The following PRKAR1B variants were observed in gnomAD, a reference collection of about 807,000 sequenced individuals.
The protein encoded by PRKAR1B is cAMP-dependent protein kinase type I-beta regulatory subunit.
PRKAR1B carries 22 observed loss-of-function variants against 46.5 expected under a neutral mutation model. The observed-to-expected ratio is 0.47, with a 90% confidence interval of 0.34 to 0.68. The LOEUF (loss-of-function observed/expected upper bound fraction) is 0.68. Ranked by LOEUF, PRKAR1B falls within the 30% of genes least tolerant of loss-of-function variation. The pLI, the probability that PRKAR1B is intolerant of heterozygous loss-of-function variation, is 0.01. For missense variants in PRKAR1B, 445 were observed against 535.6 expected (o/e 0.83, Z 1.67); for synonymous variants, 259 against 217.7 (o/e 1.19, Z -1.67).
Position 607,315 on chromosome 7 carries a change from T to TA in PRKAR1B, c.502+75dup. 3 of 1,435,362 alleles carry TA rather than the reference T, an allele frequency of 2.1e-6. No individual in the cohort carries two copies. In the Admixed American group the frequency reaches 5.2e-5, roughly 25 times the overall value. The allele number at this position is 1,435,362 out of a possible 1,614,324, so 88.9% of individuals were successfully genotyped here. A position where few individuals can be genotyped will look rare whatever the true frequency, so the allele number is the denominator to read the frequency against. ...AGGCGTGGGCCATCGTGCCTGCCCTTATGCTATTTTTTTTTTAAGTGCATA... is the reference window on the plus strand; with the variant it reads ...AGGCGTGGGCCATCGTGCCTGCCCTTAATGCTATTTTTTTTTTAAGTGCATA... On this transcript the variant is annotated intron_variant, in intron 5 of 10. Transcript: ENST00000537384.
chr7:604,421 G>T (rs1466781688), intron 6 of PRKAR1B, among the ~76,000 whole-genome samples: 1 of 152,206 alleles, frequency 6.6e-6, no homozygotes, highest in Non-Finnish European at 1.5e-5. Flanking sequence ...ATCTCTAGGG[G>T]AGACAGGAGC....
chr7:597,703 G>A (rs1300922071), intron 6 of PRKAR1B, among the ~76,000 whole-genome samples: 1 of 152,244 alleles, frequency 6.6e-6, no homozygotes, highest in African/African-American at 2.4e-5. Context: ...CCAGAGCTAG[G>A]GGAGGACTGG....
At chr7:720,972 G>A (rs541877955) in intron 1 of PRKAR1B, among the ~76,000 whole-genome samples, 42 of 152,280 alleles carry the variant, frequency 2.8e-4, no homozygotes, top group Middle Eastern at 3.4e-3. Flanking sequence ...TAGGGCTTAC[G>A]CTTGCCATTT....
intron 1 of PRKAR1B, among the ~76,000 whole-genome samples, chr7:721,040 C>T (rs967232482): frequency 9.9e-5 from 15 of 152,160 alleles, no homozygotes; most frequent in East Asian, 1.9e-4. Context: ...TAGAATTCCA[C>T]GTTATGTTTT....
intron 7 of PRKAR1B, among the ~76,000 whole-genome samples, chr7:590,993 G>A (rs913372141): frequency 7.9e-5 from 12 of 152,092 alleles, no homozygotes; most frequent in Non-Finnish European, 5.9e-5. Context: ...TTAGATTTCT[G>A]CCAGCCATAA....
intron 7 of PRKAR1B, among the ~76,000 whole-genome samples, chr7:592,497 C>T (rs553615463): frequency 3.9e-5 from 6 of 152,242 alleles, no homozygotes; most frequent in South Asian, 2.1e-4. Flanking sequence ...CGAGTCACTC[C>T]GGACACTGGT....
intron 9 of PRKAR1B, among the ~76,000 whole-genome samples, chr7:567,643 G>A (rs1237888002): frequency 6.6e-6 from 1 of 152,180 alleles, no homozygotes; most frequent in Non-Finnish European, 1.5e-5. Flanking sequence ...AGGCTTGGCT[G>A]GATAAACACA....
At chr7:649,250 G>C (rs117532836) in intron 4 of PRKAR1B, among the ~76,000 whole-genome samples, 1,820 of 152,264 alleles carry the variant, frequency 0.012, 18 homozygotes, top group South Asian at 0.02. Flanking sequence ...AGTATTTCTA[G>C]CCCATTTCCC....
At chr7:622,250 C>T (rs139067696) in intron 4 of PRKAR1B, among the ~76,000 whole-genome samples, 55 of 152,322 alleles carry the variant, frequency 3.6e-4, no homozygotes, top group East Asian at 1.7e-3. Context: ...ACCTCAGACC[C>T]GAGCACCAGG....
chr7:649,678 C>T lies in PRKAR1B; in HGVS notation c.440+27551G>A, dbSNP rs373572100. 4.6e-5 allele frequency among the ~76,000 whole-genome samples: 7 copies of T among 152,212 alleles called. No individual in the cohort carries two copies. In the South Asian group the frequency reaches 6.2e-4, roughly 14 times the overall value. On this transcript the variant is annotated intron_variant, in intron 4 of 10. Coordinates refer to ENST00000537384, the MANE Select transcript of PRKAR1B (RefSeq NM_001164760.2). Reference sequence around the variant, plus strand: ...GCAGCCTCCAACTCCCAGACCCAAGCGATCCTCCCATCTCAGCCTCCTGAA... The same window carrying T: ...GCAGCCTCCAACTCCCAGACCCAAGTGATCCTCCCATCTCAGCCTCCTGAA...
intron 1 of PRKAR1B, among the ~76,000 whole-genome samples, chr7:715,372 G>A (rs1044690972): frequency 6.6e-6 from 1 of 152,102 alleles, no homozygotes. Context: ...GAGCTCAGAG[G>A]AGCTGCGCTT....
intron 4 of PRKAR1B, among the ~76,000 whole-genome samples, chr7:632,262 CG>C (rs1354262358): frequency 6.6e-6 from 1 of 152,162 alleles, no homozygotes; most frequent in Non-Finnish European, 1.5e-5. Context: ...CCCAGCAGCT[CG>C]GCCCCTGCAG....
intron 9 of PRKAR1B, among the ~76,000 whole-genome samples, chr7:569,589 G>A (rs113852336): frequency 5.3e-5 from 8 of 152,328 alleles, no homozygotes; most frequent in East Asian, 1.9e-4. Flanking sequence ...CTGGGATGAC[G>A]AGGCTGCCCT....
intron 4 of PRKAR1B, among the ~76,000 whole-genome samples, chr7:633,654 T>A (rs903774885): frequency 6.6e-6 from 1 of 152,130 alleles, no homozygotes; most frequent in Non-Finnish European, 1.5e-5. Context: ...GTCCTGATTT[T>A]ATTGAGCTCA....
In PRKAR1B at chr7:602,044, G is replaced by A. The variant is rs553524457; in HGVS notation, c.549+4149C>T. 1.8e-3 allele frequency among the ~76,000 whole-genome samples: 269 copies of A among 152,284 alleles called. 1 individual carries two copies. Among genetic ancestry groups the A allele is most frequent in the Middle Eastern group, 3.4e-3 (1 of 294 alleles). Reference sequence around the variant, plus strand: ...TCCTTTCTCAAAATTGCCTCCCAACGTCCCCGGGCCTGGCGAGAAGCCAGG... The same window carrying A: ...TCCTTTCTCAAAATTGCCTCCCAACATCCCCGGGCCTGGCGAGAAGCCAGG... On this transcript the variant is annotated intron_variant, in intron 6 of 10. Transcript: ENST00000537384. This position sits in a 1 kb window ranked among gnomAD's most constrained non-coding sequence, Gnocchi z 6.4.
intron 2 of PRKAR1B, among the ~76,000 whole-genome samples, chr7:698,502 G>A (rs948715176): frequency 6.6e-6 from 1 of 152,026 alleles, no homozygotes; most frequent in Admixed American, 6.5e-5. Flanking sequence ...GTCTAGGTAA[G>A]TACGTGCGTG....
At chr7:623,580 C>T (rs1783224528) in intron 4 of PRKAR1B, among the ~76,000 whole-genome samples, 1 of 152,234 alleles carries the variant, frequency 6.6e-6, no homozygotes, top group Non-Finnish European at 1.5e-5. Context: ...AGCAACAATC[C>T]TGTTAGGTCA....
rs1429523925 is a variant in PRKAR1B, at chr7:549,251, G to C, written c.*1179C>G. 1.3e-5 allele frequency: 2 copies of C among 152,308 alleles called. No individual in the cohort carries two copies. Among genetic ancestry groups the C allele is most frequent in the African/African-American group, 4.8e-5 (2 of 41,464 alleles). The allele number at this position is 152,308 out of a possible 1,614,324, so 9.4% of individuals were successfully genotyped here. A position where few individuals can be genotyped will look rare whatever the true frequency, so the allele number is the denominator to read the frequency against. On this transcript the variant is annotated 3_prime_UTR_variant, in exon 11 of 11. Transcript: ENST00000537384. ...CAGTATTCAGAGCAGAGATAAGGGG[G>C]GGGATGGCTCACAGGTCCACAGGGA...
At chr7:622,397 C>T (rs1174364326) in intron 4 of PRKAR1B, among the ~76,000 whole-genome samples, 1 of 152,214 alleles carries the variant, frequency 6.6e-6, no homozygotes, top group East Asian at 1.9e-4. Context: ...GAAATGTCTG[C>T]CTGAGGCTAA....
Sources: gnomAD v4.1 joint callset for allele counts (sites outside exome capture counted in the v4.1 genomes callset) on GRCh38, gnomAD v4.1.1 for gene constraint, Gnocchi (gnomAD v3.1) non-coding constraint, MANE v1.5 for transcripts, NCBI Gene and HGNC (gene_info 2026-07-23, HGNC 2026-07-21) for gene names.